ACADL: variants seen among roughly 807,000 people sequenced by gnomAD.
ACADL encodes the protein long-chain specific acyl-CoA dehydrogenase, mitochondrial.
ACADL carries 60 observed loss-of-function variants against 56.9 expected under a neutral mutation model. The observed-to-expected ratio is 1.05, with a 90% confidence interval of 0.86 to 1.31. The LOEUF (loss-of-function observed/expected upper bound fraction) is 1.31, where lower values mean the gene tolerates loss of function less well. Among genes scored for constraint, ACADL ranks in the 50% most tolerant of loss-of-function variants. The pLI is 0.00. For missense variants in ACADL, 484 were observed against 525.5 expected (o/e 0.92, Z 0.77); for synonymous variants, 158 against 179.7 (o/e 0.88, Z 0.97).
At chr2:210,217,704 A>G in intron 3 of ACADL, 1 of 423,330 alleles carries the variant, frequency 2.4e-6, no homozygotes, top group Non-Finnish European at 4.2e-6. Context: ...AAGTAACCAT[A>G]AGCATTGACA....
intron 10 of ACADL, 103 bp from the exon 11 acceptor site, chr2:210,189,157 C>A: frequency 1.3e-6 from 1 of 757,466 alleles, no homozygotes; most frequent in Non-Finnish European, 2.3e-6. Context: ...GAAGTACAAA[C>A]AATAAAAGTC....
chr2:210,220,132 A>T (rs1312606569), intron 2 of ACADL, among the ~76,000 whole-genome samples: 1 of 152,154 alleles, frequency 6.6e-6, no homozygotes, highest in Non-Finnish European at 1.5e-5. Flanking sequence ...TCAACTTGTA[A>T]CCCCATACTA....
rs532449952 is a variant in ACADL, at chr2:210,219,592, G to A, written c.233+1055C>T. ...TTATTTTGGTCATTCTTACCAAGAAGGTATTAGTAAAAACCTAATGGAAGT... is the reference window on the plus strand; with the variant it reads ...TTATTTTGGTCATTCTTACCAAGAAAGTATTAGTAAAAACCTAATGGAAGT... On this transcript the variant is annotated intron_variant, in intron 2 of 10. Coordinates refer to ENST00000233710, the MANE Select transcript of ACADL (RefSeq NM_001608.4). 5.9e-5 allele frequency among the ~76,000 whole-genome samples: 9 copies of A among 152,162 alleles called. No homozygotes were observed. In the South Asian group the frequency reaches 1.5e-3, roughly 25 times the overall value.
At chr2:210,212,688 T>C (rs1218055985) in intron 4 of ACADL, among the ~76,000 whole-genome samples, 1 of 152,252 alleles carries the variant, frequency 6.6e-6, no homozygotes, top group Non-Finnish European at 1.5e-5. Flanking sequence ...AGGAATTATC[T>C]TTCCCACCTA....
At chr2:210,210,138 A>C in intron 5 of ACADL, 58 bp downstream of exon 5, 6 of 1,267,108 alleles carry the variant, frequency 4.7e-6, no homozygotes, top group Non-Finnish European at 6.9e-6. Flanking sequence ...TCTTTGAGAC[A>C]TTGTTACCCA....
chr2:210,209,957 T>G (rs1243499021), intron 5 of ACADL: 3 of 440,934 alleles, frequency 6.8e-6, no homozygotes, highest in Non-Finnish European at 1.2e-5. Flanking sequence ...AAGGGCTGTT[T>G]GGAAGCTAAA....
At chr2:210,214,322 G>A (rs564081298) in intron 4 of ACADL, among the ~76,000 whole-genome samples, 17 of 151,822 alleles carry the variant, frequency 1.1e-4, no homozygotes, top group Admixed American at 2.6e-4. Context: ...CCATAATTCC[G>A]TAATTCCTCA....
chr2:210,218,021 C>T lies in ACADL; in HGVS notation c.315G>A (p.Glu105=). The T allele has an allele frequency of 6.2e-7, 1 of 1,614,064 alleles. No homozygotes were observed. Among genetic ancestry groups the T allele is most frequent in the South Asian group, 1.1e-5 (1 of 91,078 alleles). Residue 105 remains glutamate, a synonymous_variant, in exon 3 of 11, where the codon GAG becomes GAA. Transcript: ENST00000233710. ...KQGLLGVNIA[E]HLGGIGGDLY... is the part of the protein sequence containing the mutation. ...GATCCCCTCCAATTCCACCAAGATGCTCTGCAATATTGACACCAAGCAGTC... is the reference window on the plus strand; with the variant it reads ...GATCCCCTCCAATTCCACCAAGATGTTCTGCAATATTGACACCAAGCAGTC...
rs1688682712 is a variant in ACADL, at chr2:210,194,838, C to T, written c.1112+373G>A. Among the ~76,000 whole-genome samples, 5 of 152,144 alleles carry T rather than the reference C, an allele frequency of 3.3e-5. No homozygotes were observed. The South Asian group carries it at 1.0e-3, about 31-fold the overall frequency. ...CCTAAGTTTTACTGTTCCCTTTCAG[C>T]CTCACTATACTGCCACTCTTCAGAT... On this transcript the variant is annotated intron_variant, in intron 9 of 10. Transcript: ENST00000233710.
chr2:210,215,378 G>A (rs913196263), intron 4 of ACADL, among the ~76,000 whole-genome samples: 3 of 152,060 alleles, frequency 2.0e-5, no homozygotes, highest in South Asian at 2.1e-4. Context: ...TCAACATCAC[G>A]GTGGCCTTGA....
intron 10 of ACADL, among the ~76,000 whole-genome samples, chr2:210,192,166 CTTT>C (rs199848154): frequency 7.3e-6 from 1 of 137,094 alleles, no homozygotes. Context: ...TTCTGTATTG[CTTT>C]TTTTTTTTTT....
chr2:210,211,777 A>G (rs753228340), intron 4 of ACADL, among the ~76,000 whole-genome samples: 1 of 151,950 alleles, frequency 6.6e-6, no homozygotes, highest in South Asian at 2.1e-4. Flanking sequence ...TTTTATAGCA[A>G]TGCAAAAACT....
chr2:210,194,996 G>C lies in ACADL; in HGVS notation c.1112+215C>G, dbSNP rs1055219460. The stretch of plus-strand genomic sequence containing the variant: ...AAATACTAACTTTGCTTGCCTATTA[G>C]GATAAAAAAATTAAATACCAACTTG... On this transcript the variant is annotated intron_variant, in intron 9 of 10. Transcript: ENST00000233710. Among the ~76,000 whole-genome samples the C allele has an allele frequency of 1.2e-4, 19 of 152,054 alleles. No individual in the cohort carries two copies. The East Asian group carries it at 2.9e-3, about 23-fold the overall frequency.
At position 210,225,172 on chromosome 2, in the gene ACADL, C is replaced by T. The variant is rs1264007070; in HGVS notation, c.77+15G>A. ...CTCCCGGCCTGCAGCCGCGGAAGTC[C>T]CGGCTGGCACTCACCGCGCGGCGGG... is the stretch of plus-strand genomic sequence containing the variant. On this transcript the variant is annotated intron_variant, in intron 1 of 10. Coordinates refer to ENST00000233710, the MANE Select transcript of ACADL (RefSeq NM_001608.4). The T allele has an allele frequency of 2.0e-6, 3 of 1,528,428 alleles. No homozygotes were observed. Among genetic ancestry groups the T allele is most frequent in the Admixed American group, 4.0e-5 (2 of 50,520 alleles). The allele number at this position is 1,528,428 out of a possible 1,614,324, so 94.7% of individuals were successfully genotyped here. A position where few individuals can be genotyped will look rare whatever the true frequency, so the allele number is the denominator to read the frequency against.
At chr2:210,200,793 G>A (rs1261551226) in intron 8 of ACADL, among the ~76,000 whole-genome samples, 1 of 152,148 alleles carries the variant, frequency 6.6e-6, no homozygotes, top group Non-Finnish European at 1.5e-5. Context: ...TAGATCAAGA[G>A]CAAGAGGAAG....
intron 6 of ACADL, 51 bp from the exon 7 acceptor site, chr2:210,204,733 AT>A: frequency 7.3e-7 from 1 of 1,364,096 alleles, no homozygotes; most frequent in Non-Finnish European, 1.0e-6. Flanking sequence ...AAATCTTCCA[AT>A]AACCCAGTGA....
intron 3 of ACADL, among the ~76,000 whole-genome samples, chr2:210,216,897 A>G (rs1305377574): frequency 1.3e-5 from 2 of 152,060 alleles, no homozygotes; most frequent in East Asian, 3.8e-4. Context: ...AAAATAAAAA[A>G]TAAAAAAGCA....
intron 9 of ACADL, among the ~76,000 whole-genome samples, chr2:210,194,599 T>C (rs558477046): frequency 6.6e-6 from 1 of 152,216 alleles, no homozygotes; most frequent in Non-Finnish European, 1.5e-5. Context: ...CTAAACTTAA[T>C]AGGATTTTTA....
rs1372665590 is a variant in ACADL at position 210,204,619 on chromosome 2, T to G, written c.832A>C (p.Asn278His). Residue 278 changes from asparagine (N) to histidine (H), a missense_variant, in exon 7 of 11, where the codon AAT (asparagine) becomes CAT (histidine). Asn to His is a moderately conservative substitution (Grantham distance 68, BLOSUM62 1). Coordinates refer to ENST00000233710, the MANE Select transcript of ACADL (RefSeq NM_001608.4). Reference sequence around the variant, plus strand: ...TTCATGATGTAATAGAAGCCTTTATTCTCTTCTCCAAGTAGGGCACTAGCT... The same window carrying G: ...TTCATGATGTAATAGAAGCCTTTATGCTCTTCTCCAAGTAGGGCACTAGCT... The part of the protein sequence containing the change: ...LPASALLGEE[N>H]KGFYYIMKEL... 6.2e-7 allele frequency: 1 copy of G among 1,612,794 alleles called. No homozygotes were observed. Among genetic ancestry groups the G allele is most frequent in the Non-Finnish European group, 8.5e-7 (1 of 1,179,072 alleles).
Sources: allele counts gnomAD v4.1 joint callset (sites outside exome capture counted in the v4.1 genomes callset), GRCh38; gene constraint gnomAD v4.1.1; transcripts MANE v1.5; gene names NCBI Gene and HGNC (gene_info 2026-07-23, HGNC 2026-07-21).